The following FNIP2 variants were observed in gnomAD, a reference collection of about 807,000 sequenced individuals.
FNIP2 encodes folliculin interacting protein 2.
FNIP2 carries 32 observed loss-of-function variants against 108.7 expected under a neutral mutation model. That is an observed-to-expected ratio of 0.29 (90% CI 0.22 to 0.40). FNIP2 has a LOEUF of 0.40. Among genes scored for constraint, FNIP2 ranks in the 10% least tolerant of loss-of-function variants. FNIP2 has a pLI of 1.00. For missense variants in FNIP2, 1,202 were observed against 1,381.6 expected (o/e 0.87, Z 2.06); for synonymous variants, 480 against 496.7 (o/e 0.97, Z 0.45).
rs577291719 is a variant in FNIP2 at position 158,895,595 on chromosome 4, G to A, written c.3151-155G>A. On this transcript the variant is annotated intron_variant, in intron 15 of 16. Coordinates refer to ENST00000264433, the MANE Select transcript of FNIP2 (RefSeq NM_020840.3). ...GAACCTATTCTTATACCTGGTAGTG[G>A]TAGGGTTTGAGATGGCTTGTGATTT... is the stretch of plus-strand genomic sequence containing the variant. 1.9e-3 allele frequency among the ~76,000 whole-genome samples: 287 copies of A among 152,314 alleles called. 1 individual carries two copies. Among genetic ancestry groups the A allele is most frequent in the Middle Eastern group, 3.4e-3 (1 of 294 alleles).
intron 2 of FNIP2, among the ~76,000 whole-genome samples, chr4:158,826,768 A>G (rs1407625889): frequency 2.6e-5 from 4 of 152,168 alleles, no homozygotes; most frequent in African/African-American, 9.7e-5. Context: ...TTTTTTGGAT[A>G]TGATACCAGG....
chr4:158,891,691 T>G, intron 15 of FNIP2, 45 bp downstream of exon 15: 1 of 1,501,494 alleles, frequency 6.7e-7, no homozygotes, highest in Non-Finnish European at 9.1e-7. Context: ...AGTTTTAAAA[T>G]GCTTTTAACG....
intron 1 of FNIP2, among the ~76,000 whole-genome samples, chr4:158,786,633 A>G (rs894781346): frequency 6.6e-6 from 1 of 152,318 alleles, no homozygotes; most frequent in East Asian, 1.9e-4. Flanking sequence ...GCCTGTCCTC[A>G]TATGGTAATG....
chr4:158,893,556 G>T, intron 15 of FNIP2: 1 of 629,166 alleles, frequency 1.6e-6, no homozygotes, highest in East Asian at 2.8e-5. Context: ...TGTTTATTTG[G>T]GCTTTAAGCT....
At chr4:158,772,296 C>G (rs1488669521) in intron 1 of FNIP2, among the ~76,000 whole-genome samples, 3 of 152,168 alleles carry the variant, frequency 2.0e-5, no homozygotes, top group African/African-American at 7.2e-5. Flanking sequence ...TTCTTGGTTA[C>G]CTTGGATTTA....
intron 14 of FNIP2, chr4:158,871,739 A>G (rs1210461111): frequency 4.1e-6 from 4 of 984,582 alleles, no homozygotes; most frequent in Non-Finnish European, 4.8e-6. Flanking sequence ...TTTTGTCCCT[A>G]TAATATCATA....
chr4:158,849,078 G>A (rs1007101346), intron 7 of FNIP2, among the ~76,000 whole-genome samples: 3 of 152,154 alleles, frequency 2.0e-5, no homozygotes, highest in Admixed American at 6.5e-5. Flanking sequence ...GTATAGGACT[G>A]GACCCCTTCT....
intron 1 of FNIP2, among the ~76,000 whole-genome samples, chr4:158,793,208 TG>T (rs1560757545): frequency 6.6e-6 from 1 of 152,168 alleles, no homozygotes; most frequent in Non-Finnish European, 1.5e-5. Flanking sequence ...TAAAGACAAT[TG>T]GAATGTGCCT....
chr4:158,780,472 T>C (rs888979225), intron 1 of FNIP2, among the ~76,000 whole-genome samples: 1 of 152,222 alleles, frequency 6.6e-6, no homozygotes, highest in African/African-American at 2.4e-5. Flanking sequence ...AAGAGCTTTT[T>C]ACTTAAATCA....
intron 1 of FNIP2, among the ~76,000 whole-genome samples, chr4:158,817,963 G>A (rs370324685): frequency 1.3e-5 from 2 of 152,228 alleles, no homozygotes; most frequent in Non-Finnish European, 2.9e-5. Context: ...GCAGTGCTCC[G>A]CTATTTTGTC....
At chr4:158,881,950 C>T (rs1451465549) in intron 14 of FNIP2, among the ~76,000 whole-genome samples, 3 of 151,372 alleles carry the variant, frequency 2.0e-5, no homozygotes, top group Non-Finnish European at 4.4e-5. Flanking sequence ...CCTGGCTGCC[C>T]AGTCTGGGAA....
At chr4:158,802,448 AT>A (rs1308455266) in intron 1 of FNIP2, among the ~76,000 whole-genome samples, 1 of 152,200 alleles carries the variant, frequency 6.6e-6, no homozygotes, top group African/African-American at 2.4e-5. Flanking sequence ...GATTCATTAA[AT>A]GAGAATAATC....
At chr4:158,902,132 C>G (rs1242759701) in intron 16 of FNIP2, among the ~76,000 whole-genome samples, 1 of 152,062 alleles carries the variant, frequency 6.6e-6, no homozygotes, top group Non-Finnish European at 1.5e-5. Context: ...ATTTATCTAC[C>G]TTTGGTCTTT....
intron 1 of FNIP2, among the ~76,000 whole-genome samples, chr4:158,815,414 G>T (rs1340805634): frequency 7.1e-5 from 9 of 127,546 alleles, no homozygotes; most frequent in African/African-American, 1.8e-4. Flanking sequence ...ACGGAGTCTT[G>T]CTCTCTCGCC....
chr4:158,846,932 C>G (rs1483827093), intron 7 of FNIP2, among the ~76,000 whole-genome samples: 1 of 152,190 alleles, frequency 6.6e-6, no homozygotes, highest in Non-Finnish European at 1.5e-5. Context: ...CCACCCCTCC[C>G]CAATCCCCTG....
chr4:158,833,814 A>T, intron 6 of FNIP2, 186 bp downstream of exon 6: 1 of 1,515,056 alleles, frequency 6.6e-7, no homozygotes, highest in South Asian at 1.2e-5. Context: ...TGCTGCAAGC[A>T]TGCAGCAGCA....
At chr4:158,809,860 C>T (rs1362781182) in intron 1 of FNIP2, among the ~76,000 whole-genome samples, 1 of 152,062 alleles carries the variant, frequency 6.6e-6, no homozygotes, top group Non-Finnish European at 1.5e-5. Context: ...ATGAGTATAT[C>T]CATTTTATGT....
At chr4:158,786,214 G>A (rs142350259) in intron 1 of FNIP2, among the ~76,000 whole-genome samples, 1 of 152,306 alleles carries the variant, frequency 6.6e-6, no homozygotes, top group Non-Finnish European at 1.5e-5. Flanking sequence ...CACACTCATT[G>A]CTGAAAAGAC....
intron 1 of FNIP2, among the ~76,000 whole-genome samples, chr4:158,804,833 T>C (rs995422573): frequency 6.6e-6 from 1 of 152,224 alleles, no homozygotes; most frequent in African/African-American, 2.4e-5. Flanking sequence ...CAAAATGTGT[T>C]CTTCTTGGAG....
Sources: allele counts gnomAD v4.1 joint callset (sites outside exome capture counted in the v4.1 genomes callset), GRCh38; gene constraint gnomAD v4.1.1; transcripts MANE v1.5; gene names NCBI Gene and HGNC (gene_info 2026-07-23, HGNC 2026-07-21).